The following AGPAT4 variants were observed in gnomAD, a reference collection of about 807,000 sequenced individuals.
AGPAT4 encodes 1-acyl-sn-glycerol-3-phosphate acyltransferase delta.
Under a neutral mutation model 48.0 loss-of-function variants are expected in AGPAT4, and 15 were observed. That is an observed-to-expected ratio of 0.31 (90% CI 0.21 to 0.48). The LOEUF (loss-of-function observed/expected upper bound fraction) is 0.48, where lower values mean the gene tolerates loss of function less well. AGPAT4 is among the 20% of genes least tolerant of loss of function. AGPAT4 has a pLI of 0.99. For missense variants in AGPAT4, 314 were observed against 482.5 expected (o/e 0.65, Z 3.27); for synonymous variants, 178 against 198.7 (o/e 0.90, Z 0.88).
intron 2 of AGPAT4, among the ~76,000 whole-genome samples, chr6:161,224,854 G>C (rs992059875): frequency 2.0e-5 from 3 of 152,098 alleles, no homozygotes; most frequent in Admixed American, 2.0e-4. Context: ...CATTTCATTG[G>C]TCCAGTTATA....
chr6:161,137,841 C>A lies in AGPAT4; in HGVS notation c.1043-1207G>T, dbSNP rs113769943. 0.048 allele frequency among the ~76,000 whole-genome samples: 7,257 copies of A among 151,452 alleles called. 499 individuals carry two copies. Among genetic ancestry groups the A allele is most frequent in the African/African-American group, 0.15 (6,125 of 40,890 alleles). On this transcript the variant is annotated intron_variant, in intron 8 of 8. Coordinates refer to ENST00000320285, the MANE Select transcript of AGPAT4 (RefSeq NM_020133.3). This position sits in a 1 kb window ranked among gnomAD's most constrained non-coding sequence, Gnocchi z 6.1. ...GAAGACTCCCTGTGTCCACACTGCA[C>A]CCCTCAGATGCTCCTGAAGACTCCC...
In AGPAT4 at chr6:161,246,584, T is replaced by C. The variant is rs562178289; in HGVS notation, c.-89-14282A>G. On this transcript the variant is annotated intron_variant, in intron 1 of 8. Coordinates refer to ENST00000320285, the MANE Select transcript of AGPAT4 (RefSeq NM_020133.3). The surrounding 1 kb of genome is among the most constrained non-coding windows in gnomAD (Gnocchi z 5.5). ...GCCACCACGCCCAGCTAATTTTGTATTTTTAGTCTAGATGGGGTTTCTCCA... is the reference window on the plus strand; with the variant it reads ...GCCACCACGCCCAGCTAATTTTGTACTTTTAGTCTAGATGGGGTTTCTCCA... 1.3e-5 allele frequency among the ~76,000 whole-genome samples: 2 copies of C among 152,232 alleles called. No individual in the cohort carries two copies. Among genetic ancestry groups the C allele is most frequent in the East Asian group, 3.9e-4 (2 of 5,166 alleles).
intron 2 of AGPAT4, among the ~76,000 whole-genome samples, chr6:161,191,086 T>C (rs923831478): frequency 5.9e-5 from 9 of 152,350 alleles, no homozygotes; most frequent in African/African-American, 2.2e-4. Flanking sequence ...AATCATTTGA[T>C]TCCAAATATA....
At chr6:161,175,385 A>G (rs1015690750) in intron 2 of AGPAT4, among the ~76,000 whole-genome samples, 9 of 151,934 alleles carry the variant, frequency 5.9e-5, no homozygotes, top group Non-Finnish European at 1.3e-4. Flanking sequence ...GGGAAGGTGT[A>G]TGTGTCCAGG....
Position 161,144,543 on chromosome 6 carries a change from G to A in AGPAT4, c.843+1981C>T, listed in dbSNP as rs116181544. Reference sequence around the variant, plus strand: ...TGACCACACTCTGCCTGAATACAGGGGAGGAAGGGCCCGTTGAGAAAAATC... The same window carrying A: ...TGACCACACTCTGCCTGAATACAGGAGAGGAAGGGCCCGTTGAGAAAAATC... On this transcript the variant is annotated intron_variant, in intron 7 of 8. Transcript: ENST00000320285. The surrounding 1 kb of genome is among the most constrained non-coding windows in gnomAD (Gnocchi z 6.6). 0.019 allele frequency among the ~76,000 whole-genome samples: 2,827 copies of A among 152,254 alleles called. 85 individuals are homozygous for A. The highest frequency in any genetic ancestry group is 0.064 in the African/African-American group (2,662 of 41,518).
In AGPAT4 at chr6:161,161,317, GT is replaced by G. The variant is rs1562318430; in HGVS notation, c.348+4930del. On this transcript the variant is annotated intron_variant, in intron 3 of 8. Coordinates refer to ENST00000320285, the MANE Select transcript of AGPAT4 (RefSeq NM_020133.3). The surrounding 1 kb of genome is among the most constrained non-coding windows in gnomAD (Gnocchi z 4.6). Reference sequence around the variant, plus strand: ...GAACCCGCGGTGCAGCCATAGTCCCGTGAGCTGCCCACTTCCTGCCCTGGCC... The same window carrying G: ...GAACCCGCGGTGCAGCCATAGTCCCGGAGCTGCCCACTTCCTGCCCTGGCC... 2.2e-6 allele frequency: 1 copy of G among 456,712 alleles called. No individual in the cohort carries two copies. The highest frequency in any genetic ancestry group is 4.4e-6 in the Non-Finnish European group (1 of 226,966). The allele number at this position is 456,712 out of a possible 1,614,324, so 28.3% of individuals were successfully genotyped here.
rs1421169845 is a variant in AGPAT4 at position 161,262,964 on chromosome 6, C to T, written c.-90+10974G>A. 6.6e-6 allele frequency among the ~76,000 whole-genome samples: 1 copy of T among 152,078 alleles called. No homozygotes were observed. Among genetic ancestry groups the T allele is most frequent in the Non-Finnish European group, 1.5e-5 (1 of 68,032 alleles). ...GGAGCAAAGCAAGCCCTGGGCTATT[C>T]CAGAGAAAGCGAGGGAAGGCCCACC... On this transcript the variant is annotated intron_variant, in intron 1 of 8. Transcript: ENST00000320285. The surrounding 1 kb of genome is among the most constrained non-coding windows in gnomAD (Gnocchi z 4.9).
At chr6:161,156,932 A>G (rs556218148) in intron 3 of AGPAT4, among the ~76,000 whole-genome samples, 1 of 152,356 alleles carries the variant, frequency 6.6e-6, no homozygotes, top group Non-Finnish European at 1.5e-5. Context: ...TTCGTTTCCC[A>G]TAAGGGATAC....
intron 3 of AGPAT4, chr6:161,160,777 C>T (rs1779905461): frequency 2.9e-6 from 1 of 348,830 alleles, no homozygotes; most frequent in Non-Finnish European, 5.7e-6. Flanking sequence ...CTCAAGGCCC[C>T]TTCCCAGTTT....
intron 5 of AGPAT4, among the ~76,000 whole-genome samples, chr6:161,151,925 T>C (rs1241456689): frequency 6.6e-6 from 1 of 152,218 alleles, no homozygotes; most frequent in African/African-American, 2.4e-5. Flanking sequence ...ATTCTGGCCC[T>C]TGGGCTGAGC....
intron 1 of AGPAT4, among the ~76,000 whole-genome samples, chr6:161,265,126 G>T (rs1582921276): frequency 6.6e-6 from 1 of 151,784 alleles, no homozygotes; most frequent in African/African-American, 2.4e-5. Flanking sequence ...CCCACTGCTG[G>T]ACTGGGTGCT....
chr6:161,167,250 G>A (rs538494999), intron 2 of AGPAT4, among the ~76,000 whole-genome samples: 2 of 152,222 alleles, frequency 1.3e-5, no homozygotes, highest in South Asian at 4.2e-4. Flanking sequence ...CTTTTGAGAT[G>A]GAGTCTTGCT....
rs1193316362 is a variant in AGPAT4, at chr6:161,166,660, C to T, written c.179-243G>A. Among the ~76,000 whole-genome samples, 1 of 152,172 alleles carries T rather than the reference C, an allele frequency of 6.6e-6. No individual in the cohort carries two copies. The highest frequency in any genetic ancestry group is 2.4e-5 in the African/African-American group (1 of 41,442). The stretch of plus-strand genomic sequence containing the variant: ...ATACTTGGAGAAGGTAAATGACTTA[C>T]TCCTTGATTAAGTATCTTGGGGGAA... On this transcript the variant is annotated intron_variant, in intron 2 of 8. Coordinates refer to ENST00000320285, the MANE Select transcript of AGPAT4 (RefSeq NM_020133.3). This position sits in a 1 kb window ranked among gnomAD's most constrained non-coding sequence, Gnocchi z 6.7.
chr6:161,200,096 C>T lies in AGPAT4; in HGVS notation c.178+31940G>A, dbSNP rs906698681. ...CTTCTAAGGGCCTAACTCTGCATTG[C>T]GACGAATGTGCACAGAAAGAGGAAG... is the stretch of plus-strand genomic sequence containing the variant. On this transcript the variant is annotated intron_variant, in intron 2 of 8. Transcript: ENST00000320285. The surrounding 1 kb of genome is among the most constrained non-coding windows in gnomAD (Gnocchi z 5.5). Among the ~76,000 whole-genome samples the T allele has an allele frequency of 3.3e-5, 5 of 152,112 alleles. No homozygotes were observed. The highest frequency in any genetic ancestry group is 4.8e-5 in the African/African-American group (2 of 41,410).
intron 3 of AGPAT4, among the ~76,000 whole-genome samples, chr6:161,163,426 C>A: frequency 6.6e-6 from 1 of 151,684 alleles, no homozygotes; most frequent in Non-Finnish European, 1.5e-5. Flanking sequence ...TCATTAAAGA[C>A]AAAAGATGTT....
At position 161,140,474 on chromosome 6, in the gene AGPAT4, CAG is replaced by C. The variant is rs1375289065; in HGVS notation, c.844-856_844-855del. On this transcript the variant is annotated intron_variant, in intron 7 of 8. Coordinates refer to ENST00000320285, the MANE Select transcript of AGPAT4 (RefSeq NM_020133.3). This position sits in a 1 kb window ranked among gnomAD's most constrained non-coding sequence, Gnocchi z 6.5. ...GCTCCTTGCAGTCCCTGGGTGAGAA[CAG>C]GGGACTCACGGCCCCACATAAATGC... 1.3e-5 allele frequency among the ~76,000 whole-genome samples: 2 copies of C among 152,228 alleles called. No individual in the cohort carries two copies. Among genetic ancestry groups the C allele is most frequent in the Non-Finnish European group, 2.9e-5 (2 of 68,038 alleles).
At chr6:161,256,466 A>G (rs563282667) in intron 1 of AGPAT4, among the ~76,000 whole-genome samples, 146 of 152,362 alleles carry the variant, frequency 9.6e-4, no homozygotes, top group African/African-American at 3.3e-3. Context: ...CCTCACCACC[A>G]GCGCTGCTCT....
At chr6:161,203,917 T>A (rs184486871) in intron 2 of AGPAT4, among the ~76,000 whole-genome samples, 2 of 152,288 alleles carry the variant, frequency 1.3e-5, no homozygotes, top group East Asian at 3.9e-4. Context: ...TAAATTCACA[T>A]TGAAAGCATT....
chr6:161,192,861 C>CTGGGA (rs1359475478), intron 2 of AGPAT4, among the ~76,000 whole-genome samples: 1 of 152,206 alleles, frequency 6.6e-6, no homozygotes, highest in East Asian at 1.9e-4. Context: ...TCTGCTGCAG[C>CTGGGA]TGGGAAGAAG....
Sources: gnomAD v4.1 joint callset for allele counts (sites outside exome capture counted in the v4.1 genomes callset) on GRCh38, gnomAD v4.1.1 for gene constraint, Gnocchi (gnomAD v3.1) non-coding constraint, MANE v1.5 for transcripts, NCBI Gene and HGNC (gene_info 2026-07-23, HGNC 2026-07-21) for gene names.